DCTN4: variants seen among roughly 807,000 people sequenced by gnomAD.
DCTN4 encodes the protein dynactin subunit 4.
Under a neutral mutation model 62.7 loss-of-function variants are expected in DCTN4, and 23 were observed. That is an observed-to-expected ratio of 0.37 (90% CI 0.26 to 0.52). DCTN4 has a LOEUF of 0.52. Ranked by LOEUF, DCTN4 falls within the 20% of genes least tolerant of loss-of-function variation. The pLI, the probability that DCTN4 is intolerant of heterozygous loss-of-function variation, is 0.92. For missense variants in DCTN4, 514 were observed against 580.4 expected, an observed-to-expected ratio of 0.89 and a Z score of 1.18; for synonymous variants, 199 against 202.1, an observed-to-expected ratio of 0.98 and a Z score of 0.13.
At chr5:150,720,247 TG>T (rs767666926) in intron 9 of DCTN4, among the ~76,000 whole-genome samples, 2 of 152,018 alleles carry the variant, frequency 1.3e-5, no homozygotes, top group African/African-American at 4.8e-5. Flanking sequence ...ACATTAAAAG[TG>T]GGGGAAAAAG....
chr5:150,733,542 C>A, intron 4 of DCTN4, 67 bp from the exon 5 acceptor site: 1 of 1,132,244 alleles, frequency 8.8e-7, no homozygotes, highest in Non-Finnish European at 1.3e-6. Context: ...TAATCAACTA[C>A]ACTGACTAGA....
At chr5:150,719,613 C>T in intron 10 of DCTN4, 103 bp downstream of exon 10, 2 of 801,540 alleles carry the variant, frequency 2.5e-6, no homozygotes, top group East Asian at 2.6e-5. Flanking sequence ...CTATCCCTTG[C>T]TCACTGGATC....
chr5:150,753,380 A>C, intron 3 of DCTN4, 99 bp downstream of exon 3: 2 of 1,016,716 alleles, frequency 2.0e-6, no homozygotes, highest in Non-Finnish European at 2.9e-6. Context: ...TTCTGAATTT[A>C]GCTCCTATCG....
intron 4 of DCTN4, among the ~76,000 whole-genome samples, chr5:150,740,007 C>T (rs562675867): frequency 6.6e-6 from 1 of 152,298 alleles, no homozygotes; most frequent in South Asian, 2.1e-4. Context: ...TCCTTCTAGA[C>T]ATTGGCTTAG....
At chr5:150,713,411 C>A (rs1274853572) in intron 12 of DCTN4, among the ~76,000 whole-genome samples, 1 of 151,888 alleles carries the variant, frequency 6.6e-6, no homozygotes, top group Non-Finnish European at 1.5e-5. Flanking sequence ...AAACTAATCT[C>A]ACCTTTGCCT....
intron 1 of DCTN4, among the ~76,000 whole-genome samples, chr5:150,757,266 A>G (rs1752895775): frequency 6.6e-6 from 1 of 152,238 alleles, no homozygotes; most frequent in African/African-American, 2.4e-5. Context: ...CTCCAGGAAC[A>G]TAAAATACAA....
In DCTN4 at chr5:150,730,648, G is replaced by A. The variant is rs945042828; in HGVS notation, c.817C>T (p.Arg273Trp). The change falls in exon 8 of 13, where the codon CGG becomes TGG. Residue 273 changes from arginine (R) to tryptophan (W), a missense_variant. Arg to Trp is a moderately radical substitution (Grantham distance 101, BLOSUM62 -3). Transcript: ENST00000447998. ...YPRHKHLLIK[R>W]SLRCRKCEHN... ...ATACTTACACGGCAGCGCAGGGACC[G>A]TTTGATCAGAAGATGTTTGTGGCGA... The A allele has an allele frequency of 4.3e-6, 7 of 1,613,698 alleles. No homozygotes were observed. The highest frequency in any genetic ancestry group is 1.3e-5 in the African/African-American group (1 of 74,932).
chr5:150,725,623 T>C (rs1371355159), intron 8 of DCTN4, among the ~76,000 whole-genome samples: 2 of 152,238 alleles, frequency 1.3e-5, no homozygotes, highest in African/African-American at 4.8e-5. Flanking sequence ...TCTTCTTTTC[T>C]AATATATACT....
intron 8 of DCTN4, among the ~76,000 whole-genome samples, chr5:150,726,656 A>G (rs1760155418): frequency 6.6e-6 from 1 of 152,202 alleles, no homozygotes; most frequent in Non-Finnish European, 1.5e-5. Flanking sequence ...ATCATATTAA[A>G]GAGACCTGTA....
Position 150,715,615 on chromosome 5 carries a change from T to C in DCTN4, c.1119A>G (p.Ala373=). The C allele has an allele frequency of 1.2e-6, 2 of 1,614,244 alleles. No homozygotes were observed. The highest frequency in any genetic ancestry group is 1.7e-6 in the Non-Finnish European group (2 of 1,180,050). Residue 373 remains alanine, a synonymous_variant, in exon 12 of 13, where the codon GCA becomes GCG. Coordinates refer to ENST00000447998, the MANE Select transcript of DCTN4 (RefSeq NM_016221.4). ...KELVLAGKDA[A]AEYDELAEPQ... is the part of the protein sequence containing the mutation. The stretch of plus-strand genomic sequence containing the variant: ...GTTCTGCCAACTCATCGTACTCTGC[T>C]GCTGCATCCTTGCCAGCTAAAACGA...
In DCTN4 at chr5:150,710,938, C is replaced by T; in HGVS notation, c.*211G>A. 1.7e-6 allele frequency: 1 copy of T among 574,818 alleles called. No individual in the cohort carries two copies. Among genetic ancestry groups the T allele is most frequent in the Non-Finnish European group, 3.1e-6 (1 of 321,194 alleles). 35.6% of individuals were successfully genotyped at this position (574,818 alleles called of 1,614,324 possible). A position where few individuals can be genotyped will look rare whatever the true frequency, so the allele number is the denominator to read the frequency against. On this transcript the variant is annotated 3_prime_UTR_variant, in exon 13 of 13. Transcript: ENST00000447998. The stretch of plus-strand genomic sequence containing the variant: ...CAGGGTTCAGTGAGGGAGACACAGA[C>T]TTACTGGTGTCAACAGGGGTGAGAG...
chr5:150,720,088 A>C (rs962417274), intron 9 of DCTN4, among the ~76,000 whole-genome samples: 1 of 152,224 alleles, frequency 6.6e-6, no homozygotes, highest in African/African-American at 2.4e-5. Context: ...GGTTTTCCCA[A>C]TTCTAAAATG....
chr5:150,746,483 C>CA (rs1171260555), intron 3 of DCTN4, among the ~76,000 whole-genome samples: 7 of 148,508 alleles, frequency 4.7e-5, no homozygotes, highest in Non-Finnish European at 1.0e-4. Flanking sequence ...GAGACACAAC[C>CA]AAAAAAGAGA....
At position 150,722,909 on chromosome 5, in the gene DCTN4, A is replaced by G. The variant is rs766107403; in HGVS notation, c.906T>C (p.Ala302=). The G allele has an allele frequency of 6.2e-7, 1 of 1,611,490 alleles. No individual in the cohort carries two copies. Among genetic ancestry groups the G allele is most frequent in the Admixed American group, 1.7e-5 (1 of 59,732 alleles). The change falls in exon 9 of 13, where the codon GCT becomes GCC. Residue 302 remains alanine (A), a splice_region_variant and synonymous_variant. Coordinates refer to ENST00000447998, the MANE Select transcript of DCTN4 (RefSeq NM_016221.4). ...TSIKFKIQLV[A]VNYIPEVRIM... ...AACACCAATCCCAAAATACTTACAC[A>G]GCGACCAGCTGGATTTTGAATTTGA...
intron 9 of DCTN4, 80 bp from the exon 10 acceptor site, chr5:150,719,850 C>A: frequency 1.2e-6 from 1 of 844,044 alleles, no homozygotes; most frequent in African/African-American, 1.8e-5. Flanking sequence ...TAGTGCAGTA[C>A]ATAAAGGATT....
At chr5:150,745,764 C>T (rs1760938184) in intron 3 of DCTN4, among the ~76,000 whole-genome samples, 1 of 151,780 alleles carries the variant, frequency 6.6e-6, no homozygotes, top group Non-Finnish European at 1.5e-5. Context: ...ACACAACATA[C>T]CAGAATCTCT....
At chr5:150,758,611 T>A in intron 1 of DCTN4, 2 of 1,244,358 alleles carry the variant, frequency 1.6e-6, no homozygotes, top group Non-Finnish European at 2.0e-6. Context: ...ACAGACACGG[T>A]CCCTAAGTCA....
At chr5:150,730,497 C>T (rs143894065) in intron 8 of DCTN4, 134 bp downstream of exon 8, 91 of 728,986 alleles carry the variant, frequency 1.2e-4, no homozygotes, top group African/African-American at 1.1e-3. Context: ...TAGTGCCTGG[C>T]AATTAGTATG....
chr5:150,714,574 T>C (rs918969727), intron 12 of DCTN4, among the ~76,000 whole-genome samples: 5 of 151,818 alleles, frequency 3.3e-5, no homozygotes, highest in African/African-American at 1.2e-4. Flanking sequence ...GACGGAGTCT[T>C]AACTCTATTC....
Sources: gnomAD v4.1 joint callset for allele counts (sites outside exome capture counted in the v4.1 genomes callset) on GRCh38, gnomAD v4.1.1 for gene constraint, MANE v1.5 for transcripts, NCBI Gene and HGNC (gene_info 2026-07-23, HGNC 2026-07-21) for gene names.